The following MAP2 variants were observed in gnomAD, a reference collection of about 807,000 sequenced individuals.
MAP2 encodes microtubule-associated protein 2.
In MAP2, 14 loss-of-function variants were observed where a neutral mutation model predicts 137.6. That is an observed-to-expected ratio of 0.10 (90% CI 0.07 to 0.16). MAP2 has a LOEUF of 0.16. Among genes scored for constraint, MAP2 ranks in the 10% least tolerant of loss-of-function variants. The probability of loss-of-function intolerance (pLI) is 1.00; values close to 1 mark genes in which losing one functional copy is unlikely to be tolerated. For missense variants in MAP2, 2,088 were observed against 2,191.5 expected, an observed-to-expected ratio of 0.95 and a Z score of 0.94; for synonymous variants, 786 against 782.3, an observed-to-expected ratio of 1.00 and a Z score of -0.08.
At chr2:209,479,737 C>A (rs535349126) in intron 1 of MAP2, among the ~76,000 whole-genome samples, 1 of 152,026 alleles carries the variant, frequency 6.6e-6, no homozygotes, top group South Asian at 2.1e-4. Flanking sequence ...TATTTTTAGT[C>A]CTGTGTTTAT....
chr2:209,461,423 A>G (rs1335373572), intron 1 of MAP2, among the ~76,000 whole-genome samples: 2 of 152,186 alleles, frequency 1.3e-5, no homozygotes, highest in African/African-American at 4.8e-5. Flanking sequence ...GCATGGCTTT[A>G]AATAATTCCC....
chr2:209,710,138 T>C lies in MAP2; in HGVS notation c.4957T>C (p.Ser1653Pro). The C allele has an allele frequency of 6.2e-7, 1 of 1,613,506 alleles. No homozygotes were observed. The highest frequency in any genetic ancestry group is 1.3e-5 in the African/African-American group (1 of 74,800). ...CGCCATCATACGTACTCCTCCAAAA[T>C]CTCCTGCGACTCCCAAGCAGCTTCG... ...KVAIIRTPPKSPATPKQLRLI... is the reference protein window; with the variant it reads ...KVAIIRTPPKPPATPKQLRLI... The change falls in exon 13 of 16, where the codon TCT (serine) becomes CCT (proline). Residue 1653 changes from serine (S) to proline (P), a missense_variant. Physicochemically the swap from Ser to Pro is moderately conservative, Grantham distance 74. Coordinates refer to ENST00000682079, the MANE Select transcript of MAP2 (RefSeq NM_001375505.1).
chr2:209,710,171 A>C lies in MAP2; in HGVS notation c.4990A>C (p.Asn1664His). The change falls in exon 13 of 16, where the codon AAC becomes CAC. Residue 1664 changes from asparagine (N) to histidine (H), a missense_variant. Around this residue, in one of 6 missense-constraint regions of MAP2, gnomAD observed 591 missense variants for 642.6 expected, o/e 0.92. Coordinates refer to ENST00000682079, the MANE Select transcript of MAP2 (RefSeq NM_001375505.1). ...GACTCCCAAGCAGCTTCGGCTTATT[A>C]ACCAACCACTGCCAGACCTGAAGAA... ...PATPKQLRLINQPLPDLKNVK... is the reference protein window; with the variant it reads ...PATPKQLRLIHQPLPDLKNVK... 6.2e-7 allele frequency: 1 copy of C among 1,613,720 alleles called. No homozygotes were observed. Among genetic ancestry groups the C allele is most frequent in the Non-Finnish European group, 8.5e-7 (1 of 1,179,800 alleles).
chr2:209,441,915 T>A (rs565144109), intron 1 of MAP2, among the ~76,000 whole-genome samples: 4 of 151,682 alleles, frequency 2.6e-5, no homozygotes, highest in Non-Finnish European at 5.9e-5. Context: ...TTTCAATTCA[T>A]GTGGTTTTTG....
At chr2:209,596,881 A>G (rs1488249877) in intron 3 of MAP2, among the ~76,000 whole-genome samples, 2 of 152,184 alleles carry the variant, frequency 1.3e-5, no homozygotes, top group East Asian at 3.9e-4. Flanking sequence ...TGTAGTATAG[A>G]TTACTTTTGC....
At chr2:209,528,762 A>ATATATG (rs1245078569) in intron 2 of MAP2, among the ~76,000 whole-genome samples, 1 of 150,508 alleles carries the variant, frequency 6.6e-6, no homozygotes, top group Admixed American at 6.6e-5. Context: ...ATATGTATGT[A>ATATATG]TATATGTATA....
rs375042524 is a variant in MAP2 at position 209,430,264 on chromosome 2, A to C, written c.-222+5988A>C. On this transcript the variant is annotated intron_variant, in intron 1 of 15. Coordinates refer to ENST00000682079, the MANE Select transcript of MAP2 (RefSeq NM_001375505.1). The stretch of plus-strand genomic sequence containing the variant: ...TCAATCTGTAGCATACAATTTCTTT[A>C]CTTAGTGGATGAGAACATGGAATTA... Among the ~76,000 whole-genome samples the C allele has an allele frequency of 7.3e-5, 11 of 151,486 alleles. No homozygotes were observed. The East Asian group carries it at 1.4e-3, about 19-fold the overall frequency.
At chr2:209,464,101 A>G (rs1171467160) in intron 1 of MAP2, among the ~76,000 whole-genome samples, 1 of 152,118 alleles carries the variant, frequency 6.6e-6, no homozygotes, top group East Asian at 1.9e-4. Context: ...CTTCATGAAC[A>G]GGTCTGTCTA....
At chr2:209,495,890 C>G (rs1446966607) in intron 1 of MAP2, among the ~76,000 whole-genome samples, 3 of 152,154 alleles carry the variant, frequency 2.0e-5, no homozygotes, top group African/African-American at 7.2e-5. Flanking sequence ...TCATTTTCAA[C>G]TGACATTTAT....
chr2:209,509,588 T>A (rs559753876), intron 2 of MAP2, among the ~76,000 whole-genome samples: 1 of 152,022 alleles, frequency 6.6e-6, no homozygotes, highest in South Asian at 2.1e-4. Flanking sequence ...ATGTAGTAAG[T>A]CTCTTAAAAC....
intron 1 of MAP2, among the ~76,000 whole-genome samples, chr2:209,491,825 C>T (rs2059149248): frequency 6.6e-6 from 1 of 151,932 alleles, no homozygotes; most frequent in Admixed American, 6.6e-5. Flanking sequence ...CCAAAAAAAA[C>T]CCAGGATCAG....
intron 1 of MAP2, among the ~76,000 whole-genome samples, chr2:209,491,186 C>T (rs963570675): frequency 6.6e-6 from 1 of 152,156 alleles, no homozygotes; most frequent in Non-Finnish European, 1.5e-5. Flanking sequence ...CAACCTGCTC[C>T]TAAATGACTA....
At chr2:209,665,612 A>C (rs1168164661) in intron 5 of MAP2, among the ~76,000 whole-genome samples, 3 of 152,182 alleles carry the variant, frequency 2.0e-5, no homozygotes, top group Admixed American at 2.0e-4. Context: ...TCTTGGAAAG[A>C]TATTATGTAT....
chr2:209,673,028 T>C (rs1025354838), intron 5 of MAP2, among the ~76,000 whole-genome samples: 7 of 151,950 alleles, frequency 4.6e-5, no homozygotes, highest in African/African-American at 1.7e-4. Context: ...TTCTAAATAC[T>C]GACCCCATCT....
At chr2:209,697,547 T>C (rs939658834) in intron 10 of MAP2, among the ~76,000 whole-genome samples, 2 of 151,938 alleles carry the variant, frequency 1.3e-5, no homozygotes, top group Non-Finnish European at 2.9e-5. Context: ...AGCCAGGAAG[T>C]GAAATTGTGG....
chr2:209,483,722 C>T (rs756512083), intron 1 of MAP2, among the ~76,000 whole-genome samples: 3 of 151,934 alleles, frequency 2.0e-5, no homozygotes, highest in Non-Finnish European at 4.4e-5. Context: ...ATTTACTGTT[C>T]AGTTTTGCTT....
intron 1 of MAP2, among the ~76,000 whole-genome samples, chr2:209,503,005 T>TC (rs1559246195): frequency 1.0e-5 from 1 of 100,052 alleles, no homozygotes; most frequent in East Asian, 2.0e-4. Flanking sequence ...TTTTCTTTTT[T>TC]TTTTTTTTTT....
chr2:209,582,715 A>G (rs1559351532), intron 3 of MAP2, among the ~76,000 whole-genome samples: 1 of 151,814 alleles, frequency 6.6e-6, no homozygotes. Context: ...TATTTTCTGT[A>G]TATTTAAGGA....
chr2:209,514,703 A>G (rs1000540317), intron 2 of MAP2, among the ~76,000 whole-genome samples: 2 of 152,128 alleles, frequency 1.3e-5, no homozygotes, highest in Non-Finnish European at 2.9e-5. Context: ...TATTCTACTT[A>G]TTGCAGAATA....
Sources: allele counts gnomAD v4.1 joint callset (sites outside exome capture counted in the v4.1 genomes callset), GRCh38; gene constraint gnomAD v4.1.1; regional missense constraint gnomAD v4.1.1; transcripts MANE v1.5; gene names NCBI Gene and HGNC (gene_info 2026-07-23, HGNC 2026-07-21).